UXS1: variants seen among roughly 807,000 people sequenced by gnomAD.
The protein encoded by UXS1 is UDP-glucuronate decarboxylase 1.
A neutral mutation model predicts 62.6 loss-of-function variants in UXS1; 33 were observed. That is an observed-to-expected ratio of 0.53 (90% CI 0.40 to 0.70). UXS1 has a LOEUF of 0.70. UXS1 is among the 30% of genes least tolerant of loss of function. The pLI, the probability that UXS1 is intolerant of heterozygous loss-of-function variation, is 0.00. For missense variants in UXS1, 434 were observed against 556.3 expected (o/e 0.78, Z 2.21); for synonymous variants, 213 against 206.8 (o/e 1.03, Z -0.26).
intron 8 of UXS1, among the ~76,000 whole-genome samples, chr2:106,123,813 C>T (rs1234093117): frequency 1.3e-5 from 2 of 152,234 alleles, no homozygotes; most frequent in Non-Finnish European, 2.9e-5. Flanking sequence ...GAATTTTATA[C>T]ATACTTGAGT....
intron 2 of UXS1, among the ~76,000 whole-genome samples, 159 bp downstream of exon 2, chr2:106,165,897 A>G (rs1683182214): frequency 6.6e-6 from 1 of 152,230 alleles, no homozygotes; most frequent in African/African-American, 2.4e-5. Flanking sequence ...GAGAATACCC[A>G]TAGGAGAAAA....
At chr2:106,175,806 GC>G (rs1386010006) in intron 1 of UXS1, among the ~76,000 whole-genome samples, 1 of 152,156 alleles carries the variant, frequency 6.6e-6, no homozygotes, top group Non-Finnish European at 1.5e-5. Context: ...ACAAAGAAGA[GC>G]CATCCCCGTC....
chr2:106,155,898 T>C (rs574125566), intron 5 of UXS1, among the ~76,000 whole-genome samples: 6 of 152,268 alleles, frequency 3.9e-5, no homozygotes, highest in South Asian at 2.1e-4. Context: ...ATTCAAAAAT[T>C]AGCTCAAAAT....
At chr2:106,097,723 CCTCACT>C (rs1212118662) in intron 13 of UXS1, 2 of 191,094 alleles carry the variant, frequency 1.0e-5, no homozygotes, top group African/African-American at 4.6e-5. Context: ...GGCCCACGGG[CCTCACT>C]CTGTGCAGTG....
chr2:106,170,648 A>G (rs187851705), intron 1 of UXS1, among the ~76,000 whole-genome samples: 36 of 152,340 alleles, frequency 2.4e-4, no homozygotes, highest in African/African-American at 8.2e-4. Context: ...TTCAATACCC[A>G]GCCCAGACCA....
intron 6 of UXS1, among the ~76,000 whole-genome samples, chr2:106,139,414 C>G (rs528833128): frequency 8.3e-4 from 126 of 152,258 alleles, no homozygotes; most frequent in Middle Eastern, 3.4e-3. Context: ...GCGACTTACT[C>G]GGCCCTTCTA....
At chr2:106,191,520 C>T (rs1453325083) in intron 1 of UXS1, among the ~76,000 whole-genome samples, 2 of 152,264 alleles carry the variant, frequency 1.3e-5, no homozygotes, top group African/African-American at 4.8e-5. Context: ...CTGCCTCCAC[C>T]CTGTGTTAAA....
At chr2:106,184,939 C>CTT (rs1345241752) in intron 1 of UXS1, among the ~76,000 whole-genome samples, 2 of 152,228 alleles carry the variant, frequency 1.3e-5, no homozygotes, top group African/African-American at 4.8e-5. Flanking sequence ...ACTGATTATA[C>CTT]TTTGCCCTGC....
chr2:106,158,167 G>T, intron 4 of UXS1, 49 bp from the exon 5 acceptor site: 2 of 1,445,084 alleles, frequency 1.4e-6, no homozygotes, highest in South Asian at 2.5e-5. Context: ...CATCTCATTT[G>T]AATATTTTCT....
chr2:106,108,676 G>C (rs1197346171), intron 10 of UXS1, among the ~76,000 whole-genome samples: 4 of 152,212 alleles, frequency 2.6e-5, no homozygotes, highest in African/African-American at 4.8e-5. Flanking sequence ...ACGAAGGGCT[G>C]TGTGCAGGTC....
intron 12 of UXS1, chr2:106,100,721 C>A: frequency 4.5e-6 from 1 of 223,306 alleles, no homozygotes; most frequent in South Asian, 1.2e-4. Context: ...AAAATGCAAT[C>A]AGGCCTTATA....
intron 1 of UXS1, among the ~76,000 whole-genome samples, chr2:106,177,242 C>A (rs1389671574): frequency 7.6e-6 from 1 of 132,174 alleles, no homozygotes; most frequent in African/African-American, 2.9e-5. Flanking sequence ...GTCACCCAGG[C>A]TGGAATGAAG....
intron 1 of UXS1, among the ~76,000 whole-genome samples, chr2:106,188,444 A>T (rs2105128248): frequency 6.6e-6 from 1 of 152,278 alleles, no homozygotes; most frequent in East Asian, 1.9e-4. Flanking sequence ...ATTTTCAAAG[A>T]CATCTAAGAA....
chr2:106,127,679 C>A (rs1323121546), intron 7 of UXS1, among the ~76,000 whole-genome samples: 1 of 152,182 alleles, frequency 6.6e-6, no homozygotes, highest in Non-Finnish European at 1.5e-5. Flanking sequence ...AGGCAAAGTT[C>A]ATGGCATCTT....
intron 7 of UXS1, among the ~76,000 whole-genome samples, chr2:106,127,723 C>G (rs1680080921): frequency 6.6e-6 from 1 of 152,198 alleles, no homozygotes; most frequent in South Asian, 2.1e-4. Context: ...GACAGCGCCT[C>G]TCGGTTCAGA....
At chr2:106,145,531 T>A (rs1382730192) in intron 5 of UXS1, 161 bp from the exon 6 acceptor site, 1 of 801,530 alleles carries the variant, frequency 1.2e-6, no homozygotes, top group Non-Finnish European at 1.9e-6. Flanking sequence ...GCATCTTGAC[T>A]CTTACTGCAG....
At chr2:106,188,460 A>G (rs190873731) in intron 1 of UXS1, among the ~76,000 whole-genome samples, 203 of 152,350 alleles carry the variant, frequency 1.3e-3, no homozygotes, top group Admixed American at 2.9e-3. Flanking sequence ...AAGAAGCAGG[A>G]CAAGTTCCAG....
intron 6 of UXS1, chr2:106,138,213 C>A: frequency 2.0e-6 from 2 of 985,494 alleles, no homozygotes; most frequent in Non-Finnish European, 2.4e-6. Context: ...TCCTGGCTTT[C>A]TTCTTCAAAG....
intron 1 of UXS1, among the ~76,000 whole-genome samples, chr2:106,175,332 C>G (rs553386550): frequency 6.6e-6 from 1 of 152,150 alleles, no homozygotes. Context: ...TGAGCTGTAT[C>G]GAAAAGCTTC....
Sources: allele counts gnomAD v4.1 joint callset (sites outside exome capture counted in the v4.1 genomes callset), GRCh38; gene constraint gnomAD v4.1.1; transcripts MANE v1.5; gene names NCBI Gene and HGNC (gene_info 2026-07-23, HGNC 2026-07-21).